Variants in PDZD2 observed in about 807,000 individuals in gnomAD.
PDZD2 encodes PDZ domain containing 2.
PDZD2 carries 90 observed loss-of-function variants against 220.7 expected under a neutral mutation model. The observed-to-expected ratio is 0.41, with a 90% CI of 0.34 to 0.49. The LOEUF (loss-of-function observed/expected upper bound fraction) is 0.49, where lower values mean the gene tolerates loss of function less well. Among genes scored for constraint, PDZD2 ranks in the 20% least tolerant of loss-of-function variants. The pLI is 0.28. For synonymous variants in PDZD2, 1,375 were observed against 1,450.5 expected, an observed-to-expected ratio of 0.95 and a Z score of 1.18; for missense variants, 3,174 against 3,608.5, an observed-to-expected ratio of 0.88 and a Z score of 3.08.
intron 1 of PDZD2, among the ~76,000 whole-genome samples, chr5:31,671,878 C>T (rs774507598): frequency 3.5e-4 from 54 of 152,192 alleles, no homozygotes; most frequent in South Asian, 8.3e-4. Context: ...TCTGCTGAAG[C>T]TGCTGGTCTG....
In PDZD2 at chr5:31,771,432, G is replaced by A. The variant is rs1039132843; in HGVS notation, c.-360-27457G>A. 2.0e-5 allele frequency among the ~76,000 whole-genome samples: 3 copies of A among 152,138 alleles called. No individual in the cohort carries two copies. The South Asian group carries it at 6.2e-4, about 32-fold the overall frequency. On this transcript the variant is annotated intron_variant, in intron 1 of 24. Transcript: ENST00000438447. Reference sequence around the variant, plus strand: ...ATCCTGGGCTGATGGGAGTGTTTTCGAAGTTTTCAGGGCCACCAAGATCTA... The same window carrying A: ...ATCCTGGGCTGATGGGAGTGTTTTCAAAGTTTTCAGGGCCACCAAGATCTA...
chr5:31,710,839 G>C (rs545346688), intron 1 of PDZD2, among the ~76,000 whole-genome samples: 1 of 151,224 alleles, frequency 6.6e-6, no homozygotes, highest in East Asian at 1.9e-4. Flanking sequence ...AAAAAGAGTA[G>C]AGATATGAGA....
chr5:31,661,785 G>GTTTTTTT (rs5867089), intron 1 of PDZD2, among the ~76,000 whole-genome samples: 18 of 141,834 alleles, frequency 1.3e-4, no homozygotes, highest in Non-Finnish European at 2.0e-4. Flanking sequence ...TCCTCCCTTG[G>GTTTTTTT]TTTTTTTTTT....
At chr5:31,700,311 G>A (rs1476303471) in intron 1 of PDZD2, among the ~76,000 whole-genome samples, 1 of 152,160 alleles carries the variant, frequency 6.6e-6, no homozygotes, top group Non-Finnish European at 1.5e-5. Context: ...AGACAGAGGT[G>A]GAGGCTGAGG....
intron 1 of PDZD2, among the ~76,000 whole-genome samples, chr5:31,656,365 T>C (rs1032916191): frequency 6.6e-6 from 1 of 152,184 alleles, no homozygotes; most frequent in African/African-American, 2.4e-5. Flanking sequence ...ACCTAGCACA[T>C]GTTGCTTTGT....
At position 31,976,714 on chromosome 5, in the gene PDZD2, C is replaced by CT. The variant is rs869280921; in HGVS notation, c.477-6420dup. Among the ~76,000 whole-genome samples, 169 of 99,706 alleles carry CT rather than the reference C, an allele frequency of 1.7e-3. 2 individuals carry two copies. Among genetic ancestry groups the CT allele is most frequent in the Admixed American group, 0.012 (100 of 8,144 alleles). The allele number at this position is 99,706 out of a possible 152,430, so 65.4% of individuals were successfully genotyped here. On this transcript the variant is annotated intron_variant, in intron 2 of 24. Transcript: ENST00000438447. ...CTTTCTTTTCCTTTTTTTCTTCTTT[C>CT]TTTTTTTTTTTTTTTTTTTTTGTGA...
chr5:31,815,151 G>A (rs1425163454), intron 2 of PDZD2, among the ~76,000 whole-genome samples: 1 of 148,454 alleles, frequency 6.7e-6, no homozygotes, highest in African/African-American at 2.5e-5. Flanking sequence ...AGGCTGAGGC[G>A]AGAGAATCAC....
Position 32,090,027 on chromosome 5 carries a change from C to T in PDZD2, c.6579C>T (p.Asp2193=). 1 of 1,609,574 alleles carries T rather than the reference C, an allele frequency of 6.2e-7. No homozygotes were observed. The highest frequency in any genetic ancestry group is 2.2e-5 in the East Asian group (1 of 44,862). ...AGGGAAAATCAAGCCTGATGTCAGA[C>T]TCCCGAGGGGTGCCCAGAAACAGCA... is the stretch of plus-strand genomic sequence containing the variant. The part of the protein sequence containing the change: ...YSQGKSSLMS[D]SRGVPRNSIP... The change falls in exon 20 of 25, where the codon GAC becomes GAT. Residue 2193 remains aspartate (D), a synonymous_variant. Coordinates refer to ENST00000438447, the MANE Select transcript of PDZD2 (RefSeq NM_178140.4). This position sits in a 1 kb window ranked among gnomAD's most constrained non-coding sequence, Gnocchi z 4.3.
chr5:31,694,797 ATT>A (rs575393610), intron 1 of PDZD2, among the ~76,000 whole-genome samples: 1 of 74,980 alleles, frequency 1.3e-5, no homozygotes. Context: ...TTATTTATTT[ATT>A]TTTTTTTTGT....
intron 2 of PDZD2, among the ~76,000 whole-genome samples, chr5:31,863,505 T>C (rs1215646996): frequency 6.6e-6 from 1 of 152,248 alleles, no homozygotes; most frequent in East Asian, 1.9e-4. Context: ...CTTCGATTTG[T>C]TAGGACTTTC....
At chr5:31,781,807 T>C (rs1753075712) in intron 1 of PDZD2, among the ~76,000 whole-genome samples, 1 of 152,218 alleles carries the variant, frequency 6.6e-6, no homozygotes, top group East Asian at 1.9e-4. Flanking sequence ...TCTCATTTTG[T>C]CAGTGCCTAT....
At chr5:32,016,786 C>G (rs1200682728) in intron 6 of PDZD2, among the ~76,000 whole-genome samples, 6 of 152,206 alleles carry the variant, frequency 3.9e-5, no homozygotes, top group Non-Finnish European at 8.8e-5. Context: ...TCCAGGAAGT[C>G]TTCCCAGAGC....
chr5:31,855,487 G>C (rs1046203576), intron 2 of PDZD2, among the ~76,000 whole-genome samples: 3 of 152,244 alleles, frequency 2.0e-5, no homozygotes, highest in Non-Finnish European at 4.4e-5. Flanking sequence ...GAGGGGACAG[G>C]TAATAGGGGG....
In PDZD2 at chr5:31,644,654, C is replaced by T. The variant is rs114047312; in HGVS notation, c.-361+5217C>T. On this transcript the variant is annotated intron_variant, in intron 1 of 24. Coordinates refer to ENST00000438447, the MANE Select transcript of PDZD2 (RefSeq NM_178140.4). ...ATGCCAGTAGTGTGTTCACCCCACA[C>T]TCTTGATGGGGCCAGCAAACAGTCT... Among the ~76,000 whole-genome samples, 678 of 152,336 alleles carry T rather than the reference C, an allele frequency of 4.5e-3. 3 individuals carry two copies. The highest frequency in any genetic ancestry group is 0.016 in the African/African-American group (647 of 41,582).
intron 2 of PDZD2, among the ~76,000 whole-genome samples, chr5:31,937,036 C>T (rs1745803778): frequency 6.6e-6 from 1 of 152,132 alleles, no homozygotes; most frequent in Admixed American, 6.5e-5. Context: ...ATGGGGAGGA[C>T]CATGGGTGGC....
Position 31,653,444 on chromosome 5 carries a change from A to T in PDZD2, c.-361+14007A>T, listed in dbSNP as rs80213508. Among the ~76,000 whole-genome samples, 1,444 of 152,252 alleles carry T rather than the reference A, an allele frequency of 9.5e-3. 24 individuals are homozygous for T. Among genetic ancestry groups the T allele is most frequent in the African/African-American group, 0.033 (1,386 of 41,536 alleles). ...CTGGGTTATACGTCAGGTCCTACTT[A>T]TAAGGAATCCATGAAGATCCCCATA... On this transcript the variant is annotated intron_variant, in intron 1 of 24. Transcript: ENST00000438447.
At chr5:31,757,800 C>T (rs978949538) in intron 1 of PDZD2, among the ~76,000 whole-genome samples, 4 of 152,170 alleles carry the variant, frequency 2.6e-5, no homozygotes, top group Non-Finnish European at 5.9e-5. Context: ...CCTGTCCAGG[C>T]TGTCATTTGC....
At chr5:31,899,831 A>G (rs933215522) in intron 2 of PDZD2, among the ~76,000 whole-genome samples, 1 of 152,200 alleles carries the variant, frequency 6.6e-6, no homozygotes, top group African/African-American at 2.4e-5. Context: ...CTACCATGTA[A>G]GGACGCAGTC....
At chr5:32,058,813 T>C (rs1739391483) in intron 12 of PDZD2, among the ~76,000 whole-genome samples, 2 of 152,216 alleles carry the variant, frequency 1.3e-5, no homozygotes, top group South Asian at 4.1e-4. Flanking sequence ...TCTTACTGCT[T>C]TTCATCCCTG....
Sources: allele counts gnomAD v4.1 joint callset (sites outside exome capture counted in the v4.1 genomes callset), GRCh38; gene constraint gnomAD v4.1.1; non-coding constraint Gnocchi (gnomAD v3.1); transcripts MANE v1.5; gene names NCBI Gene and HGNC (gene_info 2026-07-23, HGNC 2026-07-21).